The following BLOC1S2 variants were observed in gnomAD, a reference collection of about 807,000 sequenced individuals.
The protein encoded by BLOC1S2 is biogenesis of lysosomal organelles complex 1 subunit 2.
In BLOC1S2, 12 loss-of-function variants were observed where a neutral mutation model predicts 19.6. The observed-to-expected ratio is 0.61, with a 90% confidence interval of 0.39 to 0.99. The LOEUF (loss-of-function observed/expected upper bound fraction) is 0.99. Among genes scored for constraint, BLOC1S2 ranks in the 50% least tolerant of loss-of-function variants. The pLI, the probability that BLOC1S2 is intolerant of heterozygous loss-of-function variation, is 0.00. For missense variants in BLOC1S2, 142 were observed against 171.0 expected, an observed-to-expected ratio of 0.83 and a Z score of 0.95; for synonymous variants, 66 against 64.1, an observed-to-expected ratio of 1.03 and a Z score of -0.14.
At chr10:100,281,713 C>A (rs1268966782) in intron 2 of BLOC1S2, among the ~76,000 whole-genome samples, 1 of 138,172 alleles carries the variant, frequency 7.2e-6, no homozygotes, top group East Asian at 2.1e-4. Flanking sequence ...TATACACATA[C>A]ACACACACAC....
chr10:100,275,425 T>TAA lies in BLOC1S2; in HGVS notation c.*35_*36dup. ...GGTTTTATAAGACATTCTTCCACAT[T>TAA]AAAAAAAAAAGACTCTGTCCCATAG... is the stretch of plus-strand genomic sequence containing the variant. On this transcript the variant is annotated 3_prime_UTR_variant, in exon 5 of 5. Coordinates refer to ENST00000370372, the MANE Select transcript of BLOC1S2 (RefSeq NM_173809.5). The TAA allele has an allele frequency of 5.7e-5, 71 of 1,255,196 alleles. No homozygotes were observed. Among genetic ancestry groups the TAA allele is most frequent in the South Asian group, 1.4e-4 (9 of 65,670 alleles). 77.8% of individuals were successfully genotyped at this position (1,255,196 alleles called of 1,614,324 possible).
chr10:100,281,711 T>TACAC (rs71013439), intron 2 of BLOC1S2, among the ~76,000 whole-genome samples: 6,406 of 132,484 alleles, frequency 0.048, 167 homozygotes, highest in Middle Eastern at 0.069. Context: ...TATATACACA[T>TACAC]ACACACACAC....
chr10:100,274,595 C>A lies in BLOC1S2; in HGVS notation c.*867G>T, dbSNP rs1205210282. The A allele has an allele frequency of 3.4e-5, 6 of 177,678 alleles. No homozygotes were observed. Among genetic ancestry groups the A allele is most frequent in the Non-Finnish European group, 1.2e-5 (1 of 85,546 alleles). The allele number at this position is 177,678 out of a possible 1,614,324, so 11.0% of individuals were successfully genotyped here. A position where few individuals can be genotyped will look rare whatever the true frequency, so the allele number is the denominator to read the frequency against. ...TGGGTAAGGCTGCCTATCTTTCAAC[C>A]TAGACTGGTCAGTCAGTATGTCCCA... On this transcript the variant is annotated 3_prime_UTR_variant, in exon 5 of 5. Coordinates refer to ENST00000370372, the MANE Select transcript of BLOC1S2 (RefSeq NM_173809.5).
At position 100,275,357 on chromosome 10, in the gene BLOC1S2, T is replaced by C; in HGVS notation, c.*105A>G. 2 of 1,204,564 alleles carry C rather than the reference T, an allele frequency of 1.7e-6. No individual in the cohort carries two copies. The highest frequency in any genetic ancestry group is 2.8e-5 in the South Asian group (2 of 71,270). The allele number at this position is 1,204,564 out of a possible 1,614,324, so 74.6% of individuals were successfully genotyped here. On this transcript the variant is annotated 3_prime_UTR_variant, in exon 5 of 5. Coordinates refer to ENST00000370372, the MANE Select transcript of BLOC1S2 (RefSeq NM_173809.5). ...ATGTTCCTGTGATGACCAGCATAAT[T>C]TCCTTTTGAGGAATTTTCACAATTC...
Position 100,280,210 on chromosome 10 carries a change from TA to T in BLOC1S2, c.310del (p.Tyr104IlefsTer12). ...LNQKYAGLQP[Y>X]LDQINVIEEQ... ...TTCAATGACATTGATCTGATCCAGA[TA>T]AGGCTGCAGTCCAGCATCTTTAAAA... On this transcript the variant is annotated frameshift_variant, in exon 4 of 5. Transcript: ENST00000370372. LOFTEE classifies it high-confidence loss of function. The T allele has an allele frequency of 6.2e-7, 1 of 1,610,936 alleles. No homozygotes were observed. The highest frequency in any genetic ancestry group is 8.5e-7 in the Non-Finnish European group (1 of 1,178,150).
intron 2 of BLOC1S2, among the ~76,000 whole-genome samples, chr10:100,284,603 G>A (rs971170970): frequency 1.3e-5 from 2 of 152,134 alleles, no homozygotes; most frequent in African/African-American, 2.4e-5. Flanking sequence ...CGATTCTCCC[G>A]TGTCAGCCTC....
At chr10:100,286,548 C>A in intron 1 of BLOC1S2, 57 bp downstream of exon 1, 1 of 1,604,510 alleles carries the variant, frequency 6.2e-7, no homozygotes, top group Admixed American at 1.7e-5. Flanking sequence ...CCTCGCCCAC[C>A]CGAGACGGAG....
chr10:100,281,717 C>CAT (rs1848113253), intron 2 of BLOC1S2, among the ~76,000 whole-genome samples: 3 of 146,994 alleles, frequency 2.0e-5, no homozygotes, highest in African/African-American at 7.7e-5. Context: ...CACATACACA[C>CAT]ACACACACAC....
At chr10:100,282,387 T>A (rs946499429) in intron 2 of BLOC1S2, among the ~76,000 whole-genome samples, 2 of 152,216 alleles carry the variant, frequency 1.3e-5, no homozygotes, top group African/African-American at 4.8e-5. Context: ...TGCTCCAAAG[T>A]CATCCTGCTC....
At chr10:100,277,271 C>T (rs1847915309) in intron 4 of BLOC1S2, among the ~76,000 whole-genome samples, 1 of 151,224 alleles carries the variant, frequency 6.6e-6, no homozygotes, top group East Asian at 2.0e-4. Context: ...GCCTGGCTGC[C>T]ACCCCGTCTG....
At chr10:100,284,353 T>C (rs1379768252) in intron 2 of BLOC1S2, among the ~76,000 whole-genome samples, 3 of 152,160 alleles carry the variant, frequency 2.0e-5, no homozygotes, top group Non-Finnish European at 4.4e-5. Context: ...TGCTCAAAAA[T>C]AAACAAACAA....
chr10:100,280,209 A>G lies in BLOC1S2; in HGVS notation c.312T>C (p.Tyr104=). 2 of 1,610,802 alleles carry G rather than the reference A, an allele frequency of 1.2e-6. No individual in the cohort carries two copies. The highest frequency in any genetic ancestry group is 1.7e-6 in the Non-Finnish European group (2 of 1,178,062). Residue 104 remains tyrosine (Y), a synonymous_variant, in exon 4 of 5, where the codon TAT becomes TAC. Transcript: ENST00000370372. ...LNQKYAGLQP[Y]LDQINVIEEQ... Reference sequence around the variant, plus strand: ...CTTCAATGACATTGATCTGATCCAGATAAGGCTGCAGTCCAGCATCTTTAA... The same window carrying G: ...CTTCAATGACATTGATCTGATCCAGGTAAGGCTGCAGTCCAGCATCTTTAA...
At chr10:100,281,693 A>AAATATATATAT (rs71013438) in intron 2 of BLOC1S2, among the ~76,000 whole-genome samples, 1 of 138,834 alleles carries the variant, frequency 7.2e-6, no homozygotes, top group African/African-American at 2.8e-5. Flanking sequence ...AAAAAAAAAA[A>AAATATATATAT]ATATATATAT....
At chr10:100,276,193 G>A (rs1007152573) in intron 4 of BLOC1S2, among the ~76,000 whole-genome samples, 2 of 152,102 alleles carry the variant, frequency 1.3e-5, no homozygotes, top group Non-Finnish European at 2.9e-5. Flanking sequence ...TCAAATCCCA[G>A]CCTACTACAA....
chr10:100,280,004 G>A, intron 4 of BLOC1S2, 120 bp downstream of exon 4: 1 of 541,624 alleles, frequency 1.8e-6, no homozygotes, highest in Non-Finnish European at 3.1e-6. Context: ...AATTACTAAG[G>A]TTTTGTGAAG....
intron 4 of BLOC1S2, among the ~76,000 whole-genome samples, chr10:100,277,818 G>A (rs1172592328): frequency 0.15 from 10,129 of 69,742 alleles, no homozygotes; most frequent in Admixed American, 0.16. Flanking sequence ...CAGCCGCCCC[G>A]TCCGGGAGGG....
intron 4 of BLOC1S2, among the ~76,000 whole-genome samples, chr10:100,275,790 C>G (rs555358728): frequency 6.6e-6 from 1 of 152,298 alleles, no homozygotes; most frequent in East Asian, 1.9e-4. Flanking sequence ...CTTGACCTAT[C>G]GGGAGCCTTA....
At position 100,286,220 on chromosome 10, in the gene BLOC1S2, C is replaced by A; in HGVS notation, c.56-7G>T. ...GTCTCCACGGCGGCATCGTCTGGGC[C>A]AAGGGAGAATGACTAAGTGTCCCGC... On this transcript the variant is annotated splice_polypyrimidine_tract_variant and splice_region_variant and intron_variant, in intron 1 of 4. Coordinates refer to ENST00000370372, the MANE Select transcript of BLOC1S2 (RefSeq NM_173809.5). 3 of 1,613,466 alleles carry A rather than the reference C, an allele frequency of 1.9e-6. No individual in the cohort carries two copies.
In BLOC1S2 at chr10:100,274,925, T is replaced by C. The variant is rs1027719930; in HGVS notation, c.*537A>G. 2 of 398,532 alleles carry C rather than the reference T, an allele frequency of 5.0e-6. No individual in the cohort carries two copies. Among genetic ancestry groups the C allele is most frequent in the African/African-American group, 4.1e-5 (2 of 48,638 alleles). The allele number at this position is 398,532 out of a possible 1,614,324, so 24.7% of individuals were successfully genotyped here. On this transcript the variant is annotated 3_prime_UTR_variant, in exon 5 of 5. Coordinates refer to ENST00000370372, the MANE Select transcript of BLOC1S2 (RefSeq NM_173809.5). ...TCTAGAAGACTCAGCTTGGAATTATTTTAAGATTTTATGTTATTTGCAATA... is the reference window on the plus strand; with the variant it reads ...TCTAGAAGACTCAGCTTGGAATTATCTTAAGATTTTATGTTATTTGCAATA...
Sources: gnomAD v4.1 joint callset for allele counts (sites outside exome capture counted in the v4.1 genomes callset) on GRCh38, gnomAD v4.1.1 for gene constraint, MANE v1.5 for transcripts, NCBI Gene and HGNC (gene_info 2026-07-23, HGNC 2026-07-21) for gene names.